Variants in IP6K3 observed in about 807,000 individuals in gnomAD.
The protein encoded by IP6K3 is inositol hexakisphosphate kinase 3.
A neutral mutation model predicts 28.8 loss-of-function variants in IP6K3; 20 were observed. That is an observed-to-expected ratio of 0.70 (90% CI 0.49 to 1.01). The LOEUF (loss-of-function observed/expected upper bound fraction) is 1.01, where lower values mean the gene tolerates loss of function less well. Among genes scored for constraint, IP6K3 ranks in the 50% least tolerant of loss-of-function variants. IP6K3 has a pLI of 0.00. For missense variants in IP6K3, 480 were observed against 537.1 expected, an observed-to-expected ratio of 0.89 and a Z score of 1.05; for synonymous variants, 213 against 221.3, an observed-to-expected ratio of 0.96 and a Z score of 0.33.
chr6:33,728,895 C>G (rs573750893), intron 2 of IP6K3, among the ~76,000 whole-genome samples: 1 of 152,174 alleles, frequency 6.6e-6, no homozygotes, highest in African/African-American at 2.4e-5. Context: ...TGCCCTCCCC[C>G]GTCTGTCTGC....
the IP6K3 span, among the ~76,000 whole-genome samples, chr6:33,754,362 G>A: frequency 7.2e-5 from 11 of 152,282 alleles, no homozygotes; most frequent in Non-Finnish European, 1.5e-4. Flanking sequence ...GTGATTGCTG[G>A]GCAGGGATGA....
chr6:33,755,628 C>T, the IP6K3 span, among the ~76,000 whole-genome samples: 2 of 152,238 alleles, frequency 1.3e-5, no homozygotes. Flanking sequence ...CAGCTCCAGG[C>T]CTGTTTCTTC....
rs2127364681 is a variant in IP6K3 at position 33,742,151 on chromosome 6, G to A, written c.-180+4607C>T. Among the ~76,000 whole-genome samples, 1 of 152,302 alleles carries A rather than the reference G, an allele frequency of 6.6e-6. No individual in the cohort carries two copies. The highest frequency in any genetic ancestry group is 2.4e-5 in the African/African-American group (1 of 41,570). On this transcript the variant is annotated intron_variant, in intron 1 of 5. Coordinates refer to ENST00000293756, the MANE Select transcript of IP6K3 (RefSeq NM_054111.5). The surrounding 1 kb of genome is among the most constrained non-coding windows in gnomAD (Gnocchi z 4.5). ...AGATGGAGACACTGAGGGTCAGAAT[G>A]GTTGCAGAGTTTTCCCGGGGTCCAG...
upstream of IP6K3, among the ~76,000 whole-genome samples, chr6:33,748,526 GAGAGGC>G (rs147473363): frequency 3.8e-4 from 57 of 150,950 alleles, 1 homozygote; most frequent in East Asian, 5.5e-3. Context: ...CTAACATTTT[GAGAGGC>G]AGAGGCAGAG....
chr6:33,724,884 A>T (rs572325105), intron 5 of IP6K3, among the ~76,000 whole-genome samples: 1 of 152,316 alleles, frequency 6.6e-6, no homozygotes, highest in Admixed American at 6.5e-5. Flanking sequence ...GCTGCCAAAG[A>T]TTGTGAGACA....
intron 5 of IP6K3, 112 bp from the exon 6 acceptor site, chr6:33,723,299 A>C (rs1394297786): frequency 2.9e-6 from 2 of 687,126 alleles, no homozygotes; most frequent in East Asian, 5.5e-5. Context: ...TTTTTAGGAG[A>C]TGTAGGGCAA....
chr6:33,744,855 G>A lies in IP6K3; in HGVS notation c.-180+1903C>T, dbSNP rs1766849601. On this transcript the variant is annotated intron_variant, in intron 1 of 5. Coordinates refer to ENST00000293756, the MANE Select transcript of IP6K3 (RefSeq NM_054111.5). This position sits in a 1 kb window ranked among gnomAD's most constrained non-coding sequence, Gnocchi z 4.4. ...GCCCTCCCCTCCCACTGCTTAACCA[G>A]GGTCAGGGGCTGAAGGGGAGGGGGT... Among the ~76,000 whole-genome samples, 2 of 152,210 alleles carry A rather than the reference G, an allele frequency of 1.3e-5. No individual in the cohort carries two copies. Among genetic ancestry groups the A allele is most frequent in the South Asian group, 4.1e-4 (2 of 4,830 alleles).
At chr6:33,760,207 TG>T in the IP6K3 span, among the ~76,000 whole-genome samples, 2 of 152,216 alleles carry the variant, frequency 1.3e-5, no homozygotes, top group African/African-American at 4.8e-5. Flanking sequence ...AACCCCTGGG[TG>T]GGATGTAGCT....
At chr6:33,727,950 C>T in intron 3 of IP6K3, 137 bp downstream of exon 3, 1 of 1,444,724 alleles carries the variant, frequency 6.9e-7, no homozygotes, top group Non-Finnish European at 9.1e-7. Flanking sequence ...ATTGGTTATT[C>T]TAGACAGAGC....
At chr6:33,733,618 CATT>C (rs1464882300) in intron 2 of IP6K3, among the ~76,000 whole-genome samples, 1 of 152,248 alleles carries the variant, frequency 6.6e-6, no homozygotes, top group Non-Finnish European at 1.5e-5. Flanking sequence ...AAGGAACAGA[CATT>C]AATTCCAGTG....
At chr6:33,725,387 C>CCA (rs1766063458) in intron 5 of IP6K3, 54 bp downstream of exon 5, 41 of 1,529,468 alleles carry the variant, frequency 2.7e-5, no homozygotes, top group Non-Finnish European at 3.6e-5. Context: ...TATCCTTGCC[C>CCA]CACCGTGGAC....
At chr6:33,731,554 T>G (rs1300326596) in intron 2 of IP6K3, among the ~76,000 whole-genome samples, 1 of 152,254 alleles carries the variant, frequency 6.6e-6, no homozygotes, top group African/African-American at 2.4e-5. Flanking sequence ...TCTCTGCCTC[T>G]CTGTCTTTCT....
intron 4 of IP6K3, among the ~76,000 whole-genome samples, chr6:33,726,045 T>G (rs1340463421): frequency 1.3e-5 from 2 of 152,206 alleles, no homozygotes; most frequent in Non-Finnish European, 2.9e-5. Flanking sequence ...GAATATTAAT[T>G]TCAGTGGAGT....
upstream of IP6K3, among the ~76,000 whole-genome samples, chr6:33,747,618 C>G (rs1023177148): frequency 6.6e-6 from 1 of 151,978 alleles, no homozygotes; most frequent in Non-Finnish European, 1.5e-5. The surrounding 1 kb of genome is among the most constrained non-coding windows in gnomAD (Gnocchi z 5.2). Flanking sequence ...GAGAAGGGGG[C>G]TCTAGCTACA....
At chr6:33,759,308 G>A in the IP6K3 span, among the ~76,000 whole-genome samples, 4 of 151,700 alleles carry the variant, frequency 2.6e-5, no homozygotes, top group Non-Finnish European at 5.9e-5. Flanking sequence ...ACAGAGTCTC[G>A]CTCTGTCACC....
rs1377034423 is a variant in IP6K3, at chr6:33,742,097, C to T, written c.-180+4661G>A. On this transcript the variant is annotated intron_variant, in intron 1 of 5. Transcript: ENST00000293756. The surrounding 1 kb of genome is among the most constrained non-coding windows in gnomAD (Gnocchi z 4.5). ...CTCTGGACCCCTGGCTTTACAATCACACCTCTGTGTCTCCAGCTAGGAATT... is the reference window on the plus strand; with the variant it reads ...CTCTGGACCCCTGGCTTTACAATCATACCTCTGTGTCTCCAGCTAGGAATT... Among the ~76,000 whole-genome samples, 1 of 152,176 alleles carries T rather than the reference C, an allele frequency of 6.6e-6. No individual in the cohort carries two copies. Among genetic ancestry groups the T allele is most frequent in the Non-Finnish European group, 1.5e-5 (1 of 68,030 alleles).
the IP6K3 span, among the ~76,000 whole-genome samples, chr6:33,760,415 A>C: frequency 2.2e-3 from 334 of 152,236 alleles, 2 homozygotes; most frequent in Non-Finnish European, 4.0e-3. Flanking sequence ...GCACATGTTG[A>C]CGTGTATGTG....
the IP6K3 span, among the ~76,000 whole-genome samples, chr6:33,754,756 G>A: frequency 6.6e-6 from 1 of 152,218 alleles, no homozygotes; most frequent in African/African-American, 2.4e-5. Flanking sequence ...ACCCAGGAGG[G>A]CAGGGGATGC....
chr6:33,731,218 C>G (rs946820425), intron 2 of IP6K3, among the ~76,000 whole-genome samples: 1 of 152,144 alleles, frequency 6.6e-6, no homozygotes, highest in Non-Finnish European at 1.5e-5. Context: ...GTGCAGGGCC[C>G]TTTTGGGTCT....
Sources: allele counts gnomAD v4.1 joint callset (sites outside exome capture counted in the v4.1 genomes callset), GRCh38; gene constraint gnomAD v4.1.1; non-coding constraint Gnocchi (gnomAD v3.1); transcripts MANE v1.5; gene names NCBI Gene and HGNC (gene_info 2026-07-23, HGNC 2026-07-21).